IFT140: variants seen among roughly 807,000 people sequenced by gnomAD.
IFT140 encodes the protein intraflagellar transport 140, also known as intraflagellar transport protein 140 homolog.
IFT140 carries 133 observed loss-of-function variants against 164.6 expected under a neutral mutation model. The ratio of observed to expected loss-of-function variants is 0.81; its 90% CI spans 0.70 to 0.93. IFT140 has a LOEUF of 0.93. IFT140 is among the 40% of genes least tolerant of loss of function. The pLI is 0.00. For missense variants in IFT140, 2,045 were observed against 1,972.3 expected (o/e 1.04, Z -0.70); for synonymous variants, 860 against 817.3 (o/e 1.05, Z -0.89).
intron 18 of IFT140, among the ~76,000 whole-genome samples, chr16:1,561,172 GCAGCTCTCT>G (rs2033387135): frequency 6.6e-6 from 1 of 152,248 alleles, no homozygotes. Flanking sequence ...AGCGAGGGGA[GCAGCTCTCT>G]CAGAGCCAGG....
intron 13 of IFT140, chr16:1,578,508 C>G (rs1413528182): frequency 6.6e-6 from 1 of 151,428 alleles, no homozygotes; most frequent in Middle Eastern, 3.4e-3. Flanking sequence ...GCTTGCAGGG[C>G]TAAGGCAGGA....
At chr16:1,528,931 C>T (rs1044911843) in intron 19 of IFT140, 2 of 152,230 alleles carry the variant, frequency 1.3e-5, no homozygotes, top group Non-Finnish European at 2.9e-5. Flanking sequence ...GAGGTGTGGG[C>T]TGCCCACATC....
chr16:1,584,169 G>A (rs1376003248), intron 11 of IFT140, 48 bp downstream of exon 11: 4 of 1,552,846 alleles, frequency 2.6e-6, no homozygotes, highest in Non-Finnish European at 3.5e-6. Flanking sequence ...CTGGCCATGG[G>A]GCAGTTCTTC....
At chr16:1,608,754 C>A (rs1348867200) in intron 2 of IFT140, among the ~76,000 whole-genome samples, 3 of 152,000 alleles carry the variant, frequency 2.0e-5, no homozygotes, top group Non-Finnish European at 4.4e-5. Context: ...AGAGACAGGG[C>A]CCCCAGGCTG....
chr16:1,512,726 G>A (rs1460715793), intron 30 of IFT140, among the ~76,000 whole-genome samples: 1 of 152,216 alleles, frequency 6.6e-6, no homozygotes, highest in African/African-American at 2.4e-5. Flanking sequence ...GGAGGCTGAG[G>A]CTGCAGGGAG....
chr16:1,571,989 T>C (rs1310032767), intron 13 of IFT140, among the ~76,000 whole-genome samples: 2 of 152,188 alleles, frequency 1.3e-5, no homozygotes, highest in Admixed American at 6.5e-5. Context: ...GGAATACTTG[T>C]TACGTTGTGT....
chr16:1,558,203 C>A, intron 18 of IFT140, 69 bp from the exon 19 acceptor site: 2 of 1,503,046 alleles, frequency 1.3e-6, no homozygotes, highest in Non-Finnish European at 9.2e-7. Context: ...CAGACCTCGT[C>A]CTCTGGATTT....
At chr16:1,603,155 A>T (rs1231527553) in intron 3 of IFT140, among the ~76,000 whole-genome samples, 2 of 152,092 alleles carry the variant, frequency 1.3e-5, no homozygotes, top group Non-Finnish European at 2.9e-5. Context: ...ATGGAGTGCC[A>T]CCTTGTCATG....
intron 12 of IFT140, among the ~76,000 whole-genome samples, chr16:1,581,110 C>T (rs1311897257): frequency 6.6e-6 from 1 of 152,188 alleles, no homozygotes; most frequent in African/African-American, 2.4e-5. Context: ...GCTCCCTGCC[C>T]TTCACCCCTC....
In IFT140 at chr16:1,575,138, G is replaced by A. The variant is rs2034209332; in HGVS notation, c.1525-3604C>T. Among the ~76,000 whole-genome samples, 6 of 152,208 alleles carry A rather than the reference G, an allele frequency of 3.9e-5. No individual in the cohort carries two copies. In the South Asian group the frequency reaches 1.2e-3, roughly 32 times the overall value. ...CCAACACTTTGGGAGGCTGAGGCAGGAGGGTCACTTCAGCTTGGTTCAAGA... is the reference window on the plus strand; with the variant it reads ...CCAACACTTTGGGAGGCTGAGGCAGAAGGGTCACTTCAGCTTGGTTCAAGA... On this transcript the variant is annotated intron_variant, in intron 13 of 30. Coordinates refer to ENST00000426508, the MANE Select transcript of IFT140 (RefSeq NM_014714.4).
In IFT140 at chr16:1,602,459, C is replaced by T. The variant is rs768102481; in HGVS notation, c.280G>A (p.Glu94Lys). 1 of 1,614,236 alleles carries T rather than the reference C, an allele frequency of 6.2e-7. No homozygotes were observed. Among genetic ancestry groups the T allele is most frequent in the Non-Finnish European group, 8.5e-7 (1 of 1,180,050 alleles). ...TGTGTCAGGGGCATCGTGTGCTGCT[C>T]CTTGTCCTGCTTGTTAAACACCGTC... ...EVTVFNKQDK[E>K]QHTMPLTHTA... The change falls in exon 4 of 31, where the codon GAG (glutamate) becomes AAG (lysine). Residue 94 changes from glutamate (E) to lysine (K), a missense_variant. Transcript: ENST00000426508.
At chr16:1,523,205 C>A (rs569497967) in intron 26 of IFT140, among the ~76,000 whole-genome samples, 3 of 144,542 alleles carry the variant, frequency 2.1e-5, no homozygotes, top group Non-Finnish European at 4.5e-5. Flanking sequence ...GGCAACAGAG[C>A]GAGACCCTGT....
rs866186814 is a variant in IFT140, at chr16:1,518,424, G to A, written c.4041-67C>T. On this transcript the variant is annotated intron_variant, in intron 29 of 30. Transcript: ENST00000426508. Reference sequence around the variant, plus strand: ...ACACCTACTGCTATCAGAGGTCAGAGGAGACTCTTGGCCTGTAAGAGGAGC... The same window carrying A: ...ACACCTACTGCTATCAGAGGTCAGAAGAGACTCTTGGCCTGTAAGAGGAGC... 1.1e-5 allele frequency: 17 copies of A among 1,518,032 alleles called. No homozygotes were observed. In the Middle Eastern group the frequency reaches 1.0e-3, roughly 94 times the overall value. 94.0% of individuals were successfully genotyped at this position (1,518,032 alleles called of 1,614,324 possible).
rs1412880845 is a variant in IFT140, at chr16:1,534,520, C to T, written c.2400-7724G>A. ...GAGGCGCTGGGCTGGGGCTCCGAGG[C>T]AGCCGGCTTCCAGGAGTCCCGAGGC... On this transcript the variant is annotated intron_variant, in intron 19 of 30. Coordinates refer to ENST00000426508, the MANE Select transcript of IFT140 (RefSeq NM_014714.4). The T allele has an allele frequency of 3.1e-6, 5 of 1,606,828 alleles. No homozygotes were observed. The South Asian group carries it at 5.5e-5, about 18-fold the overall frequency.
At chr16:1,548,290 C>A (rs2032338452) in intron 19 of IFT140, among the ~76,000 whole-genome samples, 1 of 152,170 alleles carries the variant, frequency 6.6e-6, no homozygotes, top group South Asian at 2.1e-4. Context: ...AGGGGTCAGC[C>A]CTGGGGTCTT....
Position 1,519,980 on chromosome 16 carries a change from A to T in IFT140, c.3941T>A (p.Leu1314Gln). Residue 1314 changes from leucine (L) to glutamine (Q), a missense_variant, in exon 29 of 31, where the codon CTG becomes CAG. Physicochemically the swap from Leu to Gln is moderately radical, Grantham distance 113. Transcript: ENST00000426508. ...GGGGCTCTTGGCCTTGGCCTTGGCC[A>T]GGCACTTGTAGGCCTCGGTCAGCGC... is the stretch of plus-strand genomic sequence containing the variant. ...HGALTEAYKCLAKAKAKSPLD... is the reference protein window; with the variant it reads ...HGALTEAYKCQAKAKAKSPLD... 1 of 1,606,520 alleles carries T rather than the reference A, an allele frequency of 6.2e-7. No homozygotes were observed. Among genetic ancestry groups the T allele is most frequent in the Non-Finnish European group, 8.5e-7 (1 of 1,177,082 alleles).
At chr16:1,535,242 G>A (rs928575243) in intron 19 of IFT140, among the ~76,000 whole-genome samples, 10 of 152,150 alleles carry the variant, frequency 6.6e-5, no homozygotes, top group Non-Finnish European at 1.2e-4. Context: ...GCTCGGAAGG[G>A]GACAGGGATG....
chr16:1,537,297 G>A (rs962155021), intron 19 of IFT140, among the ~76,000 whole-genome samples: 9 of 152,228 alleles, frequency 5.9e-5, no homozygotes, highest in African/African-American at 1.9e-4. Context: ...TCCGGATGTC[G>A]CTGAGGCCCG....
intron 4 of IFT140, among the ~76,000 whole-genome samples, chr16:1,600,364 CTTGT>C (rs1354825731): frequency 7.0e-6 from 1 of 143,058 alleles, no homozygotes; most frequent in Non-Finnish European, 1.5e-5. Flanking sequence ...CCTTTGTTCA[CTTGT>C]TTATCTGCTG....
Sources: allele counts gnomAD v4.1 joint callset (sites outside exome capture counted in the v4.1 genomes callset), GRCh38; gene constraint gnomAD v4.1.1; transcripts MANE v1.5; gene names NCBI Gene and HGNC (gene_info 2026-07-23, HGNC 2026-07-21).